The following CTNNA3 variants were observed in gnomAD, a reference collection of about 807,000 sequenced individuals.
CTNNA3 encodes catenin alpha 3.
In CTNNA3, 76 loss-of-function variants were observed where a neutral mutation model predicts 95.7. The observed-to-expected ratio is 0.79, with a 90% confidence interval of 0.66 to 0.96. The LOEUF is 0.96. Among genes scored for constraint, CTNNA3 ranks in the 40% least tolerant of loss-of-function variants. The pLI is 0.00. For synonymous variants in CTNNA3, 431 were observed against 374.4 expected (o/e 1.15, Z -1.74); for missense variants, 1,191 against 1,089.8 (o/e 1.09, Z -1.31).
rs766137465 is a variant in CTNNA3 at position 67,057,720 on chromosome 10, TACC to T, written c.1047+122594_1047+122596del. 2.0e-5 allele frequency among the ~76,000 whole-genome samples: 3 copies of T among 152,124 alleles called. No individual in the cohort carries two copies. The East Asian group carries it at 5.8e-4, about 29-fold the overall frequency. Reference sequence around the variant, plus strand: ...CTCAGCCCTGTCCTGATCACCATTTTACCACCACCACCACGATGAGCTTCTTCT... The same window carrying T: ...CTCAGCCCTGTCCTGATCACCATTTTACCACCACCACGATGAGCTTCTTCT... On this transcript the variant is annotated intron_variant, in intron 7 of 17. Transcript: ENST00000433211.
Position 67,643,363 on chromosome 10 carries a change from T to G in CTNNA3, c.99+4052A>C, listed in dbSNP as rs577468601. The stretch of plus-strand genomic sequence containing the variant: ...ATCAGGAAGAATAGCTAATGGACGC[T>G]GGGCTTAATACCTAGGTGATGGGAT... On this transcript the variant is annotated intron_variant, in intron 2 of 17. Transcript: ENST00000433211. 2.2e-4 allele frequency among the ~76,000 whole-genome samples: 33 copies of G among 152,062 alleles called. No individual in the cohort carries two copies. The South Asian group carries it at 6.2e-3, about 29-fold the overall frequency.
rs143051394 is a variant in CTNNA3 at position 66,125,558 on chromosome 10, G to A, written c.1885-22309C>T. 6.6e-3 allele frequency among the ~76,000 whole-genome samples: 1,011 copies of A among 152,198 alleles called. 5 individuals are homozygous for A. Among genetic ancestry groups the A allele is most frequent in the Non-Finnish European group, 0.01 (694 of 68,006 alleles). ...AGAAAAAAGAAATGAAAACAACAGAGGTAATTCATAGAAAACAGAAATACT... is the reference window on the plus strand; with the variant it reads ...AGAAAAAAGAAATGAAAACAACAGAAGTAATTCATAGAAAACAGAAATACT... On this transcript the variant is annotated intron_variant, in intron 13 of 17. Transcript: ENST00000433211.
intron 7 of CTNNA3, chr10:66,926,851 C>G (rs1023254829): frequency 3.9e-5 from 51 of 1,311,970 alleles, no homozygotes; most frequent in Admixed American, 5.3e-5. Context: ...AAATATATGC[C>G]TATTTTTGCT....
intron 7 of CTNNA3, among the ~76,000 whole-genome samples, chr10:66,924,495 A>T (rs1925579): frequency 1.3e-5 from 2 of 151,810 alleles, no homozygotes; most frequent in South Asian, 4.2e-4. Flanking sequence ...ATTAGTCATG[A>T]TCCACAGAAC....
chr10:66,167,846 A>T (rs555274918), intron 13 of CTNNA3, among the ~76,000 whole-genome samples: 1 of 152,306 alleles, frequency 6.6e-6, no homozygotes, highest in South Asian at 2.1e-4. Context: ...GAGGAGTCCC[A>T]AGGCACAGGT....
At chr10:66,393,288 G>A (rs527842131) in intron 11 of CTNNA3, among the ~76,000 whole-genome samples, 3 of 152,028 alleles carry the variant, frequency 2.0e-5, no homozygotes, top group Admixed American at 6.6e-5. Context: ...ATACTGCAGT[G>A]GTGAATACAC....
chr10:67,117,261 TA>T (rs1290189057), intron 7 of CTNNA3, among the ~76,000 whole-genome samples: 19 of 145,464 alleles, frequency 1.3e-4, no homozygotes, highest in East Asian at 6.0e-4. Context: ...CTCCAATATT[TA>T]AAAAAAAAAA....
intron 5 of CTNNA3, among the ~76,000 whole-genome samples, chr10:67,488,123 A>T (rs1039723910): frequency 6.6e-6 from 1 of 152,200 alleles, no homozygotes; most frequent in Non-Finnish European, 1.5e-5. Context: ...TTGGGCAACA[A>T]GGGACAGCAT....
intron 10 of CTNNA3, among the ~76,000 whole-genome samples, chr10:66,619,677 C>G (rs890856673): frequency 6.7e-6 from 1 of 149,852 alleles, no homozygotes; most frequent in Non-Finnish European, 1.5e-5. Context: ...CTAACCTGCA[C>G]ATTGTGCACA....
intron 7 of CTNNA3, among the ~76,000 whole-genome samples, chr10:66,881,750 T>A (rs986336014): frequency 1.2e-4 from 18 of 152,094 alleles, no homozygotes; most frequent in Non-Finnish European, 4.4e-5. Context: ...AAGAGCAATC[T>A]GTGATAATGC....
intron 7 of CTNNA3, among the ~76,000 whole-genome samples, chr10:67,096,209 A>T (rs1391788082): frequency 6.6e-6 from 1 of 151,628 alleles, no homozygotes; most frequent in Non-Finnish European, 1.5e-5. Flanking sequence ...TTTATTTTTT[A>T]TTTTTTTGAT....
chr10:66,186,303 T>A (rs12218383), intron 13 of CTNNA3, among the ~76,000 whole-genome samples: 2,128 of 149,470 alleles, frequency 0.014, 61 homozygotes, highest in African/African-American at 0.048. Context: ...TGTGTGTGTG[T>A]GAGAGATAGA....
At chr10:67,713,519 GA>G (rs1196391272) in intron 1 of CTNNA3, among the ~76,000 whole-genome samples, 2 of 152,172 alleles carry the variant, frequency 1.3e-5, no homozygotes, top group Non-Finnish European at 1.5e-5. Flanking sequence ...CAATAGCAAA[GA>G]CTTGGAACCA....
chr10:67,222,128 T>C (rs1427809039), intron 5 of CTNNA3, among the ~76,000 whole-genome samples: 1 of 152,204 alleles, frequency 6.6e-6, no homozygotes, highest in Non-Finnish European at 1.5e-5. Context: ...AAATGGCTTG[T>C]GCTACTATAT....
chr10:66,772,605 T>G (rs1194423263), intron 8 of CTNNA3, among the ~76,000 whole-genome samples: 1 of 152,160 alleles, frequency 6.6e-6, no homozygotes, highest in Admixed American at 6.5e-5. Flanking sequence ...TTTGTCTTTG[T>G]TCTCTAGTAA....
intron 7 of CTNNA3, among the ~76,000 whole-genome samples, chr10:66,861,338 G>A (rs1348840026): frequency 6.6e-6 from 1 of 152,142 alleles, no homozygotes; most frequent in Non-Finnish European, 1.5e-5. Flanking sequence ...ATGTCTGCAT[G>A]TGTTTTCTCT....
At chr10:67,001,786 A>G (rs577802652) in intron 7 of CTNNA3, among the ~76,000 whole-genome samples, 1 of 152,310 alleles carries the variant, frequency 6.6e-6, no homozygotes, top group African/African-American at 2.4e-5. Context: ...ATGTAATAAA[A>G]AAGGGTGCTA....
chr10:67,572,298 G>A (rs1269092858), intron 3 of CTNNA3, among the ~76,000 whole-genome samples: 1 of 152,024 alleles, frequency 6.6e-6, no homozygotes, highest in African/African-American at 2.4e-5. Context: ...CTACTGGAAA[G>A]TGCTGAGCTA....
intron 1 of CTNNA3, among the ~76,000 whole-genome samples, chr10:67,719,665 CTGTT>C (rs1410482602): frequency 1.3e-5 from 2 of 152,096 alleles, no homozygotes; most frequent in Non-Finnish European, 2.9e-5. Flanking sequence ...GTCTGAGAGA[CTGTT>C]TGTTATGATT....
Sources: allele counts gnomAD v4.1 joint callset (sites outside exome capture counted in the v4.1 genomes callset), GRCh38; gene constraint gnomAD v4.1.1; transcripts MANE v1.5; gene names NCBI Gene and HGNC (gene_info 2026-07-23, HGNC 2026-07-21).